Variants in ACTR8 observed in about 807,000 individuals in gnomAD.
ACTR8 encodes actin-related protein 8.
Under a neutral mutation model 84.3 loss-of-function variants are expected in ACTR8, and 70 were observed. That is an observed-to-expected ratio of 0.83 (90% CI 0.68 to 1.01). The LOEUF is 1.01. Ranked by LOEUF, ACTR8 falls within the 50% of genes least tolerant of loss-of-function variation. The pLI, the probability that ACTR8 is intolerant of heterozygous loss-of-function variation, is 0.00. For synonymous variants in ACTR8, 268 were observed against 275.2 expected, an observed-to-expected ratio of 0.97 and a Z score of 0.26; for missense variants, 672 against 775.4, an observed-to-expected ratio of 0.87 and a Z score of 1.58.
chr3:53,871,454 T>C lies in ACTR8; in HGVS notation c.1345A>G (p.Ile449Val). Reference protein sequence around the residue: ...TADRKSASKPIGFEGDLRGQS... With the variant: ...TADRKSASKPVGFEGDLRGQS... ...CCACGAAGATCCCCTTCAAATCCAATAGGTTTGGATGCAGACTTTCGGTCA... is the reference window on the plus strand; with the variant it reads ...CCACGAAGATCCCCTTCAAATCCAACAGGTTTGGATGCAGACTTTCGGTCA... Residue 449 changes from isoleucine (I) to valine (V), a missense_variant, in exon 11 of 13, where the codon ATT becomes GTT. By Grantham distance (29) the Ile-to-Val change is conservative. Coordinates refer to ENST00000335754, the MANE Select transcript of ACTR8 (RefSeq NM_022899.5). The C allele has an allele frequency of 1.2e-6, 2 of 1,614,160 alleles. No individual in the cohort carries two copies. Among genetic ancestry groups the C allele is most frequent in the African/African-American group, 1.3e-5 (1 of 75,062 alleles).
At position 53,879,921 on chromosome 3, in the gene ACTR8, A is replaced by T. The variant is rs969869625; in HGVS notation, c.294+18T>A. ...GGAAACAACCTTAGGCTTTCTCTCCAGGTCGTTTTTGACTTACATTTAGTC... is the reference window on the plus strand; with the variant it reads ...GGAAACAACCTTAGGCTTTCTCTCCTGGTCGTTTTTGACTTACATTTAGTC... On this transcript the variant is annotated intron_variant, in intron 2 of 12. Transcript: ENST00000335754. 14 of 1,596,030 alleles carry T rather than the reference A, an allele frequency of 8.8e-6. No individual in the cohort carries two copies. Among genetic ancestry groups the T allele is most frequent in the African/African-American group, 1.3e-5 (1 of 74,482 alleles).
chr3:53,871,352 C>A lies in ACTR8; in HGVS notation c.1447G>T (p.Ala483Ser). 6.2e-7 allele frequency: 1 copy of A among 1,614,246 alleles called. No homozygotes were observed. The highest frequency in any genetic ancestry group is 1.6e-4 in the Middle Eastern group (1 of 6,062). ...AGGGCCTCCTCGGAATCGTTGCCGG[C>A]CATCAGGCCATCTCCCTGTGCAGAC... ...LGSAQGDGLM[A>S]GNDSEEALTA... The change falls in exon 11 of 13, where the codon GCC becomes TCC. Residue 483 changes from alanine to serine, a missense_variant. By Grantham distance (99) the Ala-to-Ser change is moderately conservative. Transcript: ENST00000335754.
At chr3:53,860,121 T>G in the ACTR8 span, 2 of 1,610,626 alleles carry the variant, frequency 1.2e-6, no homozygotes, top group Admixed American at 1.7e-5. Flanking sequence ...TAAGCTTTGT[T>G]TTTTCCAGAC....
chr3:53,881,151 C>T (rs1199889372), intron 1 of ACTR8, among the ~76,000 whole-genome samples: 1 of 152,200 alleles, frequency 6.6e-6, no homozygotes, highest in Non-Finnish European at 1.5e-5. Context: ...CACTGTCATA[C>T]TAGTGATAAC....
rs145231853 is a variant in ACTR8, at chr3:53,872,434, C to T, written c.1252G>A (p.Asp418Asn). The change falls in exon 10 of 13, where the codon GAT becomes AAT. Residue 418 changes from aspartate (D) to asparagine (N), a missense_variant. Asp to Asn is a conservative substitution (Grantham distance 23). Transcript: ENST00000335754. ...LQHRSQGDPE[D>N]PHDEHYLLAT... is the part of the protein sequence containing the mutation. ...AGCAGGTAATGTTCATCGTGAGGAT[C>T]CTCAGGATCGCCCTGAGATCTGTGC... The T allele has an allele frequency of 3.7e-6, 6 of 1,611,212 alleles. No homozygotes were observed. In the African/African-American group the frequency reaches 8.0e-5, roughly 22 times the overall value.
At chr3:53,873,334 A>G (rs765282687) in intron 8 of ACTR8, among the ~76,000 whole-genome samples, 3 of 152,192 alleles carry the variant, frequency 2.0e-5, no homozygotes, top group African/African-American at 4.8e-5. Flanking sequence ...CACTGTTTGC[A>G]TTATTTGTTT....
At chr3:53,866,098 T>TTAAA (rs2107039254), downstream of ACTR8, among the ~76,000 whole-genome samples, 1 of 152,382 alleles carries the variant, frequency 6.6e-6, no homozygotes, top group South Asian at 2.1e-4. Flanking sequence ...AATGGTTTAC[T>TTAAA]TAAATAAAAA....
At chr3:53,863,421 T>C (rs556632222), downstream of ACTR8, among the ~76,000 whole-genome samples, 33 of 152,256 alleles carry the variant, frequency 2.2e-4, no homozygotes, top group Non-Finnish European at 4.3e-4. Flanking sequence ...CTTCTCCATA[T>C]GTAGGAAAGG....
At chr3:53,863,718 ACTAC>A (rs953690410), downstream of ACTR8, among the ~76,000 whole-genome samples, 2 of 152,174 alleles carry the variant, frequency 1.3e-5, no homozygotes, top group African/African-American at 4.8e-5. Flanking sequence ...AGTACAAGCA[ACTAC>A]CTAATTGACC....
Position 53,876,082 on chromosome 3 carries a change from T to TTG in ACTR8, c.779-3_779-2insCA, listed in dbSNP as rs370490982. The TTG allele has an allele frequency of 5.7e-6, 9 of 1,578,916 alleles. No individual in the cohort carries two copies. In the South Asian group the frequency reaches 6.8e-5, roughly 12 times the overall value. ...CAGACTCCTGATGGACCACAATCCC[T>TTG]GGGGGGGGAAAAGAAAAGGCAGAGT... On this transcript the variant is annotated splice_region_variant and splice_polypyrimidine_tract_variant and intron_variant, in intron 6 of 12. Coordinates refer to ENST00000335754, the MANE Select transcript of ACTR8 (RefSeq NM_022899.5).
rs779414899 is a variant in ACTR8, at chr3:53,877,268, T to C, written c.630A>G (p.Val210=). The change falls in exon 5 of 13, where the codon GTA becomes GTG. Residue 210 remains valine, a synonymous_variant. Coordinates refer to ENST00000335754, the MANE Select transcript of ACTR8 (RefSeq NM_022899.5). ...ATTTTTGTATCGCATGAGACCATAT[T>C]ACTTCAATATCTGCCAGAACAGCTG... ...SLTAVLADIE[V]IWSHAIQKYL... 1.9e-6 allele frequency: 3 copies of C among 1,613,960 alleles called. No individual in the cohort carries two copies. Among genetic ancestry groups the C allele is most frequent in the Admixed American group, 1.7e-5 (1 of 59,952 alleles).
At chr3:53,859,072 C>T in the ACTR8 span, 4 of 391,062 alleles carry the variant, frequency 1.0e-5, no homozygotes, top group South Asian at 2.1e-4. Context: ...AAAAAATACA[C>T]AGTGCAAAAT....
Position 53,873,044 on chromosome 3 carries a change from A to G in ACTR8, c.1149T>C (p.Asp383=), listed in dbSNP as rs1186028219. Residue 383 remains aspartate (D), a synonymous_variant, in exon 9 of 13, where the codon GAT becomes GAC. Coordinates refer to ENST00000335754, the MANE Select transcript of ACTR8 (RefSeq NM_022899.5). ...PALLYQFRLG[D]EKLQAPMALF... is the part of the protein sequence containing the mutation. ...ACCTATAAGTTACCTGCAGTTTTTC[A>G]TCTCCTAATCGAAACTGGTAAAGCA... The G allele has an allele frequency of 6.2e-7, 1 of 1,609,610 alleles. No homozygotes were observed. The highest frequency in any genetic ancestry group is 1.3e-5 in the African/African-American group (1 of 74,878).
rs1408002299 is a variant in ACTR8, at chr3:53,868,538, C to G, written c.*181G>C. ...TTTATTCTCAAATGCCCTGACTAAA[C>G]TGCTCAAAAGCAGTTTATATTTTCA... On this transcript the variant is annotated 3_prime_UTR_variant, in exon 13 of 13. Transcript: ENST00000335754. The G allele has an allele frequency of 9.1e-6, 8 of 882,982 alleles. No individual in the cohort carries two copies. Among genetic ancestry groups the G allele is most frequent in the Non-Finnish European group, 1.3e-5 (8 of 596,464 alleles). 54.7% of individuals were successfully genotyped at this position (882,982 alleles called of 1,614,324 possible).
intron 1 of ACTR8, 90 bp downstream of exon 1, chr3:53,881,889 G>T (rs571949388): frequency 3.3e-6 from 5 of 1,532,724 alleles, no homozygotes; most frequent in East Asian, 2.5e-5. Context: ...CTGCAAGGGG[G>T]ACTCGAAGCC....
intron 11 of ACTR8, 82 bp downstream of exon 11, chr3:53,871,150 C>A (rs2107052981): frequency 6.6e-7 from 1 of 1,523,366 alleles, no homozygotes; most frequent in East Asian, 2.3e-5. Context: ...TTATACTGCA[C>A]AAGTATATCC....
the ACTR8 span, chr3:53,859,313 T>TA: frequency 6.5e-6 from 1 of 152,718 alleles, no homozygotes; most frequent in Admixed American, 6.5e-5. Context: ...TCTCTGGAGT[T>TA]AGAGATGTGT....
At chr3:53,876,102 C>G (rs766803501) in intron 6 of ACTR8, 22 bp from the exon 7 acceptor site, 4 of 1,610,408 alleles carry the variant, frequency 2.5e-6, no homozygotes, top group Non-Finnish European at 3.4e-6. Context: ...AAAGAAAAGG[C>G]AGAGTAGTCA....
At chr3:53,877,595 G>A (rs1474506367) in intron 4 of ACTR8, 52 bp downstream of exon 4, 1 of 1,560,142 alleles carries the variant, frequency 6.4e-7, no homozygotes, top group Non-Finnish European at 8.8e-7. Context: ...ATGAATTTTA[G>A]GAGGAGGATC....
Sources: allele counts gnomAD v4.1 joint callset (sites outside exome capture counted in the v4.1 genomes callset), GRCh38; gene constraint gnomAD v4.1.1; transcripts MANE v1.5; gene names NCBI Gene and HGNC (gene_info 2026-07-23, HGNC 2026-07-21).